The following FBXO41 variants were observed in gnomAD, a reference collection of about 807,000 sequenced individuals.
FBXO41 encodes F-box only protein 41.
In FBXO41, 33 loss-of-function variants were observed where a neutral mutation model predicts 81.6. The observed-to-expected ratio is 0.40, with a 90% confidence interval of 0.31 to 0.54. The LOEUF is 0.54. Among genes scored for constraint, FBXO41 ranks in the 20% least tolerant of loss-of-function variants. The pLI is 0.39. For synonymous variants in FBXO41, 576 were observed against 552.7 expected, an observed-to-expected ratio of 1.04 and a Z score of -0.59; for missense variants, 1,107 against 1,236.0, an observed-to-expected ratio of 0.90 and a Z score of 1.56.
intron 1 of FBXO41, among the ~76,000 whole-genome samples, chr2:73,283,381 T>C (rs1047532700): frequency 6.6e-6 from 1 of 152,204 alleles, no homozygotes; most frequent in Non-Finnish European, 1.5e-5. Context: ...CACTGCTTTT[T>C]CTGTTCTAAG....
Position 73,265,538 on chromosome 2 carries a change from G to A in FBXO41, c.1308C>T (p.Gly436=), listed in dbSNP as rs1352054694. Residue 436 remains glycine (G), a synonymous_variant, in exon 5 of 13, where the codon GGC becomes GGT. Transcript: ENST00000520530. ...RPEEGAPEDS[G]PGGLGTRAQA... ...GGGCCCGTGTGCCCAAGCCCCCAGG[G>A]CCACTGTCCTCAGGGGCCCCCTCCT... 6.3e-7 allele frequency: 1 copy of A among 1,595,682 alleles called. No individual in the cohort carries two copies. The highest frequency in any genetic ancestry group is 1.1e-5 in the South Asian group (1 of 88,642).
At position 73,263,205 on chromosome 2, in the gene FBXO41, G is replaced by A. The variant is rs1173218423; in HGVS notation, c.2171+8C>T. The A allele has an allele frequency of 6.4e-7, 1 of 1,552,498 alleles. No individual in the cohort carries two copies. Among genetic ancestry groups the A allele is most frequent in the Admixed American group, 2.0e-5 (1 of 51,174 alleles). ...CCCCTCCTATCCCCCAAACCTGCCA[G>A]GGCTCACCAGGGGTGAAGTGGTGCC... On this transcript the variant is annotated splice_region_variant and intron_variant, in intron 9 of 12. Transcript: ENST00000520530.
intron 1 of FBXO41, among the ~76,000 whole-genome samples, chr2:73,281,494 CT>C: frequency 6.6e-6 from 1 of 152,310 alleles, no homozygotes; most frequent in South Asian, 2.1e-4. Flanking sequence ...CTTTGGCCAA[CT>C]GGACATTTGC....
chr2:73,259,395 G>T lies in FBXO41; in HGVS notation c.2450-99C>A. ...AATGAAATCAGACAATCAGGTGCCAGCTACCGGGAACACGACAGAGGAGAG... is the reference window on the plus strand; with the variant it reads ...AATGAAATCAGACAATCAGGTGCCATCTACCGGGAACACGACAGAGGAGAG... On this transcript the variant is annotated intron_variant, in intron 11 of 12. Transcript: ENST00000520530. This position sits in a 1 kb window ranked among gnomAD's most constrained non-coding sequence, Gnocchi z 4.2. 2 of 1,028,224 alleles carry T rather than the reference G, an allele frequency of 1.9e-6. No individual in the cohort carries two copies. The highest frequency in any genetic ancestry group is 3.0e-6 in the Non-Finnish European group (2 of 670,610). 63.7% of individuals were successfully genotyped at this position (1,028,224 alleles called of 1,614,324 possible). A position where few individuals can be genotyped will look rare whatever the true frequency, so the allele number is the denominator to read the frequency against.
In FBXO41 at chr2:73,265,212, G is replaced by A. The variant is rs1433295568; in HGVS notation, c.1564+70C>T. The A allele has an allele frequency of 3.6e-6, 5 of 1,404,602 alleles. No individual in the cohort carries two copies. In the East Asian group the frequency reaches 7.2e-5, roughly 20 times the overall value. 87.0% of individuals were successfully genotyped at this position (1,404,602 alleles called of 1,614,324 possible). On this transcript the variant is annotated intron_variant, in intron 5 of 12. Coordinates refer to ENST00000520530, the MANE Select transcript of FBXO41 (RefSeq NM_001371389.2). ...GTGGGCAAGTCTGGGGAAAGGGGAG[G>A]GGGGTGCAGGAGCCCAGGAGATTCA...
chr2:73,283,941 G>A (rs1041344017), intron 1 of FBXO41, among the ~76,000 whole-genome samples: 2 of 152,128 alleles, frequency 1.3e-5, no homozygotes, highest in African/African-American at 4.8e-5. Flanking sequence ...AGAGGGGGGA[G>A]GGGAAGCCTG....
intron 1 of FBXO41, among the ~76,000 whole-genome samples, chr2:73,276,364 G>C (rs1181927854): frequency 2.0e-5 from 3 of 151,504 alleles, no homozygotes; most frequent in Non-Finnish European, 4.4e-5. Flanking sequence ...GAGCCATTCC[G>C]CCATTGCACT....
At chr2:73,267,318 A>C (rs965225550) in intron 2 of FBXO41, among the ~76,000 whole-genome samples, 1 of 152,220 alleles carries the variant, frequency 6.6e-6, no homozygotes, top group Non-Finnish European at 1.5e-5. Context: ...GACACAGTCA[A>C]ACATACTTGC....
rs1687781709 is a variant in FBXO41 at position 73,255,686 on chromosome 2, G to A, written c.*3296C>T. On this transcript the variant is annotated 3_prime_UTR_variant, in exon 13 of 13. Transcript: ENST00000520530. ...CAACTTAGCGCCTTAGAGGGATTGG[G>A]GCCCGGGTGACTCCCCACTGGTGGC... The A allele has an allele frequency of 6.6e-6, 1 of 152,636 alleles. No homozygotes were observed. Among genetic ancestry groups the A allele is most frequent in the Non-Finnish European group, 1.5e-5 (1 of 68,050 alleles). 9.5% of individuals were successfully genotyped at this position (152,636 alleles called of 1,614,324 possible).
rs753487798 is a variant in FBXO41, at chr2:73,269,347, G to T, written c.284C>A (p.Ala95Glu). The T allele has an allele frequency of 2.0e-6, 3 of 1,516,664 alleles. No individual in the cohort carries two copies. The highest frequency in any genetic ancestry group is 5.5e-5 in the East Asian group (2 of 36,608). 94.0% of individuals were successfully genotyped at this position (1,516,664 alleles called of 1,614,324 possible). A position where few individuals can be genotyped will look rare whatever the true frequency, so the allele number is the denominator to read the frequency against. The change falls in exon 2 of 13, where the codon GCG becomes GAG. Residue 95 changes from alanine (A) to glutamate (E), a missense_variant. Coordinates refer to ENST00000520530, the MANE Select transcript of FBXO41 (RefSeq NM_001371389.2). This position sits in a 1 kb window ranked among gnomAD's most constrained non-coding sequence, Gnocchi z 7.0. The part of the protein sequence containing the change: ...ESTSFQGKEQ[A>E]AGPSPAAPHL... Reference sequence around the variant, plus strand: ...CGGCGCCGCGGGCGACGGCCCGGCCGCCTGCTCCTTGCCCTGGAAGGAAGT... The same window carrying T: ...CGGCGCCGCGGGCGACGGCCCGGCCTCCTGCTCCTTGCCCTGGAAGGAAGT...
Position 73,269,037 on chromosome 2 carries a change from G to A in FBXO41, c.594C>T (p.Tyr198=), listed in dbSNP as rs754598120. The A allele has an allele frequency of 6.5e-7, 1 of 1,536,186 alleles. No homozygotes were observed. Among genetic ancestry groups the A allele is most frequent in the Non-Finnish European group, 8.7e-7 (1 of 1,145,500 alleles). ...PASPSPADVA[Y]EEGLARLKIR... ...TCTTGAGGCGCGCCAGGCCCTCTTC[G>A]TAGGCCACATCAGCGGGTGAGGGGG... Residue 198 remains tyrosine, a synonymous_variant, in exon 2 of 13, where the codon TAC becomes TAT. Coordinates refer to ENST00000520530, the MANE Select transcript of FBXO41 (RefSeq NM_001371389.2). This position sits in a 1 kb window ranked among gnomAD's most constrained non-coding sequence, Gnocchi z 7.0.
intron 1 of FBXO41, among the ~76,000 whole-genome samples, chr2:73,273,968 A>G (rs1688615853): frequency 6.6e-6 from 1 of 152,156 alleles, no homozygotes; most frequent in African/African-American, 2.4e-5. Context: ...CTAACCATCA[A>G]GACCTACTGG....
At chr2:73,271,661 C>T (rs1302734644) in intron 1 of FBXO41, among the ~76,000 whole-genome samples, 2 of 141,392 alleles carry the variant, frequency 1.4e-5, no homozygotes, top group Non-Finnish European at 3.0e-5. Context: ...GATGGAGTCT[C>T]ACTCTTTCAC....
At chr2:73,276,377 A>G (rs1440640196) in intron 1 of FBXO41, among the ~76,000 whole-genome samples, 1 of 151,764 alleles carries the variant, frequency 6.6e-6, no homozygotes, top group Non-Finnish European at 1.5e-5. Flanking sequence ...ATTGCACTCC[A>G]GCCTGGGCAA....
chr2:73,276,560 C>CAGAGAGAGAGAGAGAGAGAGAGAGAGAG (rs533998261), intron 1 of FBXO41, among the ~76,000 whole-genome samples: 5 of 106,418 alleles, frequency 4.7e-5, no homozygotes, highest in Admixed American at 1.1e-4. Flanking sequence ...CAAATCTATT[C>CAGAGAGAGAGAGAGAGAGAGAGAGAGAG]AGAGAGAGAG....
intron 1 of FBXO41, among the ~76,000 whole-genome samples, chr2:73,274,759 T>C (rs867587700): frequency 8.5e-5 from 13 of 152,308 alleles, no homozygotes; most frequent in Middle Eastern, 6.8e-3. Context: ...AGAAACAGGG[T>C]CTCACTATGT....
intron 1 of FBXO41, among the ~76,000 whole-genome samples, chr2:73,283,375 G>A (rs1558595728): frequency 6.6e-6 from 1 of 152,198 alleles, no homozygotes; most frequent in African/African-American, 2.4e-5. Flanking sequence ...CCCTGGCACT[G>A]CTTTTTCTGT....
Position 73,265,934 on chromosome 2 carries a change from G to C in FBXO41, c.1164C>G (p.Asn388Lys), listed in dbSNP as rs1315072749. ...AGCCATGCCGTGACACTGCATATGT[G>C]TTAGGCACGGCCGGGCCCACGTGGT... Reference protein sequence around the residue: ...REHHVGPAVPNTYAVSRHGSS... With the variant: ...REHHVGPAVPKTYAVSRHGSS... The change falls in exon 4 of 13, where the codon AAC (asparagine) becomes AAG (lysine). Residue 388 changes from asparagine to lysine, a missense_variant. Coordinates refer to ENST00000520530, the MANE Select transcript of FBXO41 (RefSeq NM_001371389.2). 6.3e-7 allele frequency: 1 copy of C among 1,585,624 alleles called. No homozygotes were observed. The highest frequency in any genetic ancestry group is 1.2e-5 in the South Asian group (1 of 86,462).
Position 73,269,262 on chromosome 2 carries a change from C to T in FBXO41, c.369G>A (p.Val123=), listed in dbSNP as rs566416404. ...ACTCCTCACAGGGCAGGCTAGCGGG[C>T]ACCAGGTCGCCGGGGAAGTGGGCGA... ...APLAHFPGDL[V]PASLPCEELA... The change falls in exon 2 of 13, where the codon GTG becomes GTA. Residue 123 remains valine (V), a synonymous_variant. Transcript: ENST00000520530. This position sits in a 1 kb window ranked among gnomAD's most constrained non-coding sequence, Gnocchi z 7.0. The T allele has an allele frequency of 1.0e-3, 1,605 of 1,530,596 alleles. 15 individuals carry two copies. In the African/African-American group the frequency reaches 0.02, roughly 19 times the overall value. The allele number at this position is 1,530,596 out of a possible 1,614,324, so 94.8% of individuals were successfully genotyped here.
Sources: gnomAD v4.1 joint callset for allele counts (sites outside exome capture counted in the v4.1 genomes callset) on GRCh38, gnomAD v4.1.1 for gene constraint, Gnocchi (gnomAD v3.1) non-coding constraint, MANE v1.5 for transcripts, NCBI Gene and HGNC (gene_info 2026-07-23, HGNC 2026-07-21) for gene names.